TRPS1: variants seen among roughly 807,000 people sequenced by gnomAD.
TRPS1 encodes transcriptional repressor GATA binding 1.
In TRPS1, 6 loss-of-function variants were observed where a neutral mutation model predicts 101.2. The observed-to-expected ratio is 0.06, with a 90% CI of 0.03 to 0.12. The LOEUF is 0.12. TRPS1 is among the 10% of genes least tolerant of loss of function. TRPS1 has a pLI of 1.00. For missense variants in TRPS1, 1,363 were observed against 1,567.0 expected (o/e 0.87, Z 2.20); for synonymous variants, 578 against 589.8 (o/e 0.98, Z 0.29).
At chr8:115,662,518 T>C (rs1318026824) in intron 1 of TRPS1, among the ~76,000 whole-genome samples, 1 of 151,910 alleles carries the variant, frequency 6.6e-6, no homozygotes, top group Admixed American at 6.6e-5. Flanking sequence ...GGGTGGAGTG[T>C]CTTTTCCCAA....
intron 2 of TRPS1, 87 bp downstream of exon 2, chr8:115,623,514 A>C: frequency 3.3e-6 from 5 of 1,498,488 alleles, no homozygotes; most frequent in Non-Finnish European, 3.7e-6. Context: ...TATTATCTCT[A>C]AGACAAATAA....
Position 115,498,415 on chromosome 8 carries a change from CTATATATATATATA to C in TRPS1, c.2701-79977_2701-79964del, listed in dbSNP as rs67505193. Among the ~76,000 whole-genome samples, 149 of 39,302 alleles carry C rather than the reference CTATATATATATATA, an allele frequency of 3.8e-3. 3 individuals are homozygous for C. Among genetic ancestry groups the C allele is most frequent in the African/African-American group, 0.012 (108 of 9,142 alleles). 25.8% of individuals were successfully genotyped at this position (39,302 alleles called of 152,430 possible). On this transcript the variant is annotated intron_variant, in intron 5 of 6. Coordinates refer to ENST00000395715, the MANE Select transcript of TRPS1 (RefSeq NM_014112.5). Reference sequence around the variant, plus strand: ...TCTCTCTCTCTCTCTCTCTCTCTCTCTATATATATATATATATATATATATATATATATATAGTT... The same window carrying C: ...TCTCTCTCTCTCTCTCTCTCTCTCTCTATATATATATATATATATATAGTT...
chr8:115,647,498 A>G (rs1298204811), intron 1 of TRPS1, among the ~76,000 whole-genome samples: 2 of 152,162 alleles, frequency 1.3e-5, no homozygotes, highest in Non-Finnish European at 2.9e-5. Flanking sequence ...TAGTCACTCC[A>G]AAAGGCTTCA....
chr8:115,498,410 T>C (rs1287726379), intron 5 of TRPS1, among the ~76,000 whole-genome samples: 1 of 78,166 alleles, frequency 1.3e-5, no homozygotes, highest in African/African-American at 8.7e-5. Flanking sequence ...TCTCTCTCTC[T>C]CTCTCTATAT....
intron 5 of TRPS1, among the ~76,000 whole-genome samples, chr8:115,522,016 CT>C (rs1405952389): frequency 6.6e-6 from 1 of 151,814 alleles, no homozygotes; most frequent in Non-Finnish European, 1.5e-5. Flanking sequence ...AGACATAAAA[CT>C]ATGAATTCAA....
At chr8:115,549,367 T>C (rs540767231) in intron 5 of TRPS1, among the ~76,000 whole-genome samples, 1 of 152,358 alleles carries the variant, frequency 6.6e-6, no homozygotes, top group East Asian at 1.9e-4. Context: ...CAATTATGTT[T>C]CCAATATGAC....
chr8:115,507,604 A>G (rs1386066338), intron 5 of TRPS1, among the ~76,000 whole-genome samples: 2 of 152,102 alleles, frequency 1.3e-5, no homozygotes, highest in Non-Finnish European at 2.9e-5. Context: ...CTCGTCACCC[A>G]TACAAAGCTT....
At chr8:115,520,702 T>C (rs542822008) in intron 5 of TRPS1, among the ~76,000 whole-genome samples, 1 of 129,458 alleles carries the variant, frequency 7.7e-6, no homozygotes, top group Admixed American at 8.3e-5. Flanking sequence ...TGTGTTTGAC[T>C]TTGCTATTTA....
chr8:115,597,716 T>A (rs1817819458), intron 4 of TRPS1, among the ~76,000 whole-genome samples: 1 of 152,162 alleles, frequency 6.6e-6, no homozygotes, highest in Admixed American at 6.5e-5. Flanking sequence ...TATCACTTTT[T>A]GCTTTACTTA....
intron 5 of TRPS1, among the ~76,000 whole-genome samples, chr8:115,541,268 T>C (rs893396287): frequency 6.6e-6 from 1 of 152,192 alleles, no homozygotes; most frequent in Non-Finnish European, 1.5e-5. Context: ...TAGGGATGGC[T>C]TAGGAGGGTT....
At chr8:115,435,206 C>G (rs1034120351) in intron 5 of TRPS1, among the ~76,000 whole-genome samples, 1 of 152,170 alleles carries the variant, frequency 6.6e-6, no homozygotes, top group African/African-American at 2.4e-5. Flanking sequence ...ATCTATCTAG[C>G]TAGCTACTGA....
chr8:115,415,259 A>C (rs1376401643), intron 6 of TRPS1, among the ~76,000 whole-genome samples, 175 bp from the exon 7 acceptor site: 3 of 152,144 alleles, frequency 2.0e-5, no homozygotes, highest in African/African-American at 7.2e-5. Flanking sequence ...GAAGTAACCA[A>C]AGTGCACTAT....
chr8:115,492,534 A>G (rs1027349389), intron 5 of TRPS1, among the ~76,000 whole-genome samples: 56 of 151,654 alleles, frequency 3.7e-4, no homozygotes, highest in African/African-American at 1.3e-3. Context: ...AATCGACAAA[A>G]ATAACTCTAT....
intron 5 of TRPS1, among the ~76,000 whole-genome samples, chr8:115,498,994 T>A (rs1815236531): frequency 6.6e-6 from 1 of 152,154 alleles, no homozygotes; most frequent in Admixed American, 6.5e-5. Context: ...GAAAATGAAG[T>A]ACTTTTAAAT....
intron 1 of TRPS1, among the ~76,000 whole-genome samples, chr8:115,636,340 A>G (rs1818766591): frequency 1.3e-5 from 2 of 152,320 alleles, no homozygotes; most frequent in Middle Eastern, 3.4e-3. Flanking sequence ...GCTGGAAAAT[A>G]AAGTACCAAT....
intron 5 of TRPS1, among the ~76,000 whole-genome samples, chr8:115,533,444 T>TTGTTTTGTTTTG (rs1450390075): frequency 7.9e-6 from 1 of 126,536 alleles, no homozygotes; most frequent in African/African-American, 3.4e-5. Flanking sequence ...CTGTTTTTTT[T>TTGTTTTGTTTTG]TTTTTTTTTT....
At chr8:115,638,391 A>G (rs1036289030) in intron 1 of TRPS1, among the ~76,000 whole-genome samples, 3 of 152,286 alleles carry the variant, frequency 2.0e-5, no homozygotes, top group African/African-American at 7.2e-5. Flanking sequence ...GGAGAGCCCG[A>G]AGACATGAGT....
chr8:115,628,991 C>T (rs75528763), intron 1 of TRPS1, among the ~76,000 whole-genome samples: 5,968 of 151,858 alleles, frequency 0.039, 432 homozygotes, highest in African/African-American at 0.14. Flanking sequence ...CCAATCTAGA[C>T]TGAAATTTCC....
At chr8:115,618,908 T>C (rs1818325356) in intron 3 of TRPS1, among the ~76,000 whole-genome samples, 1 of 152,124 alleles carries the variant, frequency 6.6e-6, no homozygotes, top group Non-Finnish European at 1.5e-5. Context: ...TTCCCAAATT[T>C]AAAAAAATGC....
Sources: gnomAD v4.1 joint callset for allele counts (sites outside exome capture counted in the v4.1 genomes callset) on GRCh38, gnomAD v4.1.1 for gene constraint, MANE v1.5 for transcripts, NCBI Gene and HGNC (gene_info 2026-07-23, HGNC 2026-07-21) for gene names.